The following SH3KBP1 variants were observed in gnomAD, a reference collection of about 807,000 sequenced individuals.
SH3KBP1 encodes SH3 domain containing kinase binding protein 1.
Under a neutral mutation model 50.1 loss-of-function variants are expected in SH3KBP1, and 8 were observed. The ratio of observed to expected loss-of-function variants is 0.16; its 90% CI spans 0.09 to 0.29. The LOEUF (loss-of-function observed/expected upper bound fraction) is 0.29, where lower values mean the gene tolerates loss of function less well. SH3KBP1 is among the 10% of genes least tolerant of loss of function. SH3KBP1 has a pLI of 1.00. For missense variants in SH3KBP1, 377 were observed against 535.2 expected (o/e 0.70, Z 2.92); for synonymous variants, 227 against 218.6 (o/e 1.04, Z -0.34).
At chrX:19,569,071 C>A (rs1283637220) in intron 13 of SH3KBP1, 32 bp downstream of exon 13, 1 of 1,147,271 alleles carries the variant, frequency 8.7e-7, no homozygotes, top group Admixed American at 2.2e-5. Context: ...ACTAACTCTG[C>A]AAAGAGAAGC....
chrX:19,608,306 C>CT (rs57794070), intron 8 of SH3KBP1, among the ~76,000 whole-genome samples: 12,825 of 87,130 alleles, frequency 0.15, 1,665 homozygotes, highest in African/African-American at 0.36. Context: ...TTCTTTCTTT[C>CT]TTTTTTTTTT....
intron 6 of SH3KBP1, among the ~76,000 whole-genome samples, chrX:19,667,402 T>C (rs1173982280): frequency 9.0e-6 from 1 of 111,423 alleles, no homozygotes; most frequent in Non-Finnish European, 1.9e-5. Flanking sequence ...GGTGAGAGAA[T>C]TCTTTGAGGC....
At chrX:19,844,069 G>A (rs962287571) in intron 1 of SH3KBP1, among the ~76,000 whole-genome samples, 7 of 111,591 alleles carry the variant, frequency 6.3e-5, no homozygotes, top group African/African-American at 2.3e-4. Flanking sequence ...CACTTTCTTT[G>A]TGTTTAAAAT....
At chrX:19,554,331 A>ATT (rs1569279301) in intron 13 of SH3KBP1, among the ~76,000 whole-genome samples, 4 of 82,274 alleles carry the variant, frequency 4.9e-5, no homozygotes, top group Non-Finnish European at 6.4e-5. Context: ...ATTAAAATAT[A>ATT]ATATTATATA....
chrX:19,681,043 T>C (rs2063037936), intron 6 of SH3KBP1, among the ~76,000 whole-genome samples: 1 of 112,112 alleles, frequency 8.9e-6, no homozygotes, highest in South Asian at 3.7e-4. Context: ...GATTTTTTTT[T>C]TTCTTTTTGC....
At chrX:19,563,572 A>G (rs2147786625) in intron 13 of SH3KBP1, among the ~76,000 whole-genome samples, 1 of 112,481 alleles carries the variant, frequency 8.9e-6, no homozygotes, top group African/African-American at 3.2e-5. Flanking sequence ...CCCTCAGCAC[A>G]ATCTCTTTTG....
chrX:19,595,212 G>A (rs1266235318), intron 9 of SH3KBP1, among the ~76,000 whole-genome samples: 1 of 111,855 alleles, frequency 8.9e-6, no homozygotes, highest in South Asian at 3.8e-4. Context: ...AACTCCAATC[G>A]ACAAATGAAA....
intron 2 of SH3KBP1, among the ~76,000 whole-genome samples, chrX:19,760,280 G>C (rs763291520): frequency 9.1e-6 from 1 of 109,474 alleles, no homozygotes; most frequent in Non-Finnish European, 1.9e-5. Flanking sequence ...CCAGCTACTC[G>C]GGAGGCTGAG....
Position 19,612,078 on chromosome X carries a change from A to AT in SH3KBP1, c.898-4034dup, listed in dbSNP as rs773373935. ...ATAGAGATTTACAGAGAAGCAAGGC[A>AT]TTTTTTTCCCCCAGCAATACAAGCT... is the stretch of plus-strand genomic sequence containing the variant. On this transcript the variant is annotated intron_variant, in intron 8 of 17. Transcript: ENST00000397821. 5.4e-4 allele frequency among the ~76,000 whole-genome samples: 59 copies of AT among 110,135 alleles called. 1 individual carries two copies. The highest frequency in any genetic ancestry group is 3.9e-3 in the South Asian group (10 of 2,589).
intron 1 of SH3KBP1, among the ~76,000 whole-genome samples, chrX:19,836,818 G>A (rs1019296925): frequency 2.7e-5 from 3 of 111,993 alleles, no homozygotes; most frequent in Non-Finnish European, 3.8e-5. Context: ...GACCCAGTGG[G>A]AGGTAATTGA....
chrX:19,583,125 C>CATT (rs200762944), intron 12 of SH3KBP1, among the ~76,000 whole-genome samples: 24,630 of 94,786 alleles, frequency 0.26, 2,979 homozygotes, highest in Middle Eastern at 0.38. Context: ...TGCTAATACA[C>CATT]ATTATTATTA....
At position 19,617,898 on chromosome X, in the gene SH3KBP1, G is replaced by A. The variant is rs779637005; in HGVS notation, c.898-9853C>T. Among the ~76,000 whole-genome samples, 6 of 110,959 alleles carry A rather than the reference G, an allele frequency of 5.4e-5. No individual in the cohort carries two copies. In the South Asian group the frequency reaches 1.9e-3, roughly 35 times the overall value. On this transcript the variant is annotated intron_variant, in intron 8 of 17. Transcript: ENST00000397821. Reference sequence around the variant, plus strand: ...GAGTTCAGATGTCATTAAGAAATGAGGGGAAAAAACAAAAACAAAAACAAA... The same window carrying A: ...GAGTTCAGATGTCATTAAGAAATGAAGGGAAAAAACAAAAACAAAAACAAA...
Position 19,873,351 on chromosome X carries a change from A to G in SH3KBP1, c.4+13956T>C, listed in dbSNP as rs185103924. Among the ~76,000 whole-genome samples the G allele has an allele frequency of 9.9e-3, 1,030 of 103,594 alleles. 13 individuals are homozygous for G. Among genetic ancestry groups the G allele is most frequent in the African/African-American group, 0.035 (984 of 28,433 alleles). 90.0% of individuals were successfully genotyped at this position (103,594 alleles called of 115,157 possible). A position where few individuals can be genotyped will look rare whatever the true frequency, so the allele number is the denominator to read the frequency against. Reference sequence around the variant, plus strand: ...ATACATGTATATATAAAATACATGTACATATAGCAACAAGTATATATTAAT... The same window carrying G: ...ATACATGTATATATAAAATACATGTGCATATAGCAACAAGTATATATTAAT... On this transcript the variant is annotated intron_variant, in intron 1 of 17. Transcript: ENST00000397821.
intron 1 of SH3KBP1, among the ~76,000 whole-genome samples, chrX:19,860,578 T>A (rs754910575): frequency 2.5e-4 from 28 of 112,122 alleles, no homozygotes; most frequent in African/African-American, 9.1e-4. Flanking sequence ...GTGATGCCAC[T>A]GAATTGTACA....
At chrX:19,874,998 G>A (rs2069201563) in intron 1 of SH3KBP1, among the ~76,000 whole-genome samples, 1 of 110,066 alleles carries the variant, frequency 9.1e-6, no homozygotes, top group African/African-American at 3.3e-5. Context: ...AGGCAGGAGG[G>A]AGGAGATAGG....
chrX:19,759,322 G>C (rs2065308794), intron 2 of SH3KBP1, among the ~76,000 whole-genome samples: 1 of 111,480 alleles, frequency 9.0e-6, no homozygotes, highest in Non-Finnish European at 1.9e-5. Context: ...GCTCTGAAAG[G>C]CCAGCCTCCA....
In SH3KBP1 at chrX:19,608,054, CAGG is replaced by C. The variant is rs775249577; in HGVS notation, c.898-12_898-10del. On this transcript the variant is annotated splice_polypyrimidine_tract_variant and intron_variant, in intron 8 of 17. Transcript: ENST00000397821. ...CCTACGTCGATGCAGTCCTAGAAAA[CAGG>C]AGAACAGAGAGTGAGAGATGGGGGC... 5.0e-6 allele frequency: 6 copies of C among 1,197,414 alleles called. No homozygotes were observed. Among genetic ancestry groups the C allele is most frequent in the Non-Finnish European group, 5.7e-6 (5 of 883,611 alleles).
In SH3KBP1 at chrX:19,877,913, G is replaced by A. The variant is rs575784752; in HGVS notation, c.4+9394C>T. On this transcript the variant is annotated intron_variant, in intron 1 of 17. Transcript: ENST00000397821. Reference sequence around the variant, plus strand: ...CTCCAGCAGTGCCCCCACCACTTCCGTGGCCACAGAAAGGAAGTAAGCAGA... The same window carrying A: ...CTCCAGCAGTGCCCCCACCACTTCCATGGCCACAGAAAGGAAGTAAGCAGA... Among the ~76,000 whole-genome samples, 41 of 112,199 alleles carry A rather than the reference G, an allele frequency of 3.7e-4. 1 individual carries two copies. In the South Asian group the frequency reaches 0.012, roughly 32 times the overall value.
intron 2 of SH3KBP1, among the ~76,000 whole-genome samples, chrX:19,829,470 T>C (rs1191355833): frequency 9.2e-6 from 1 of 109,017 alleles, no homozygotes; most frequent in Non-Finnish European, 1.9e-5. Flanking sequence ...GTAAAGGGGC[T>C]GGGCGCAGTG....
Sources: gnomAD v4.1 joint callset for allele counts (sites outside exome capture counted in the v4.1 genomes callset) on GRCh38, gnomAD v4.1.1 for gene constraint, MANE v1.5 for transcripts, NCBI Gene and HGNC (gene_info 2026-07-23, HGNC 2026-07-21) for gene names.